Variants in PLCB4 observed in about 807,000 individuals in gnomAD.
The protein encoded by PLCB4 is phospholipase C beta 4, also known as 1-phosphatidylinositol 4,5-bisphosphate phosphodiesterase beta-4.
Under a neutral mutation model 178.8 loss-of-function variants are expected in PLCB4, and 77 were observed. That is an observed-to-expected ratio of 0.43 (90% CI 0.36 to 0.52). The LOEUF (loss-of-function observed/expected upper bound fraction) is 0.52, where lower values mean the gene tolerates loss of function less well. Among genes scored for constraint, PLCB4 ranks in the 20% least tolerant of loss-of-function variants. The pLI, the probability that PLCB4 is intolerant of heterozygous loss-of-function variation, is 0.00. For missense variants in PLCB4, 1,024 were observed against 1,453.4 expected (o/e 0.70, Z 4.80); for synonymous variants, 496 against 490.8 (o/e 1.01, Z -0.14).
intron 7 of PLCB4, among the ~76,000 whole-genome samples, chr20:9,351,363 T>A (rs6086851): frequency 0.05 from 7,597 of 152,210 alleles, 264 homozygotes; most frequent in Non-Finnish European, 0.076. Context: ...ACTTTTTTTT[T>A]AATTTTTTGA....
chr20:9,443,246 A>C (rs188827946), intron 30 of PLCB4, among the ~76,000 whole-genome samples: 165 of 152,354 alleles, frequency 1.1e-3, no homozygotes, highest in African/African-American at 3.8e-3. Context: ...GAATTTGGTA[A>C]AAGGGAGAAG....
At chr20:9,144,660 G>T (rs1314603973) in intron 2 of PLCB4, among the ~76,000 whole-genome samples, 1 of 136,822 alleles carries the variant, frequency 7.3e-6, no homozygotes, top group Non-Finnish European at 1.6e-5. Context: ...GAAGAAGAAA[G>T]AAGGAGGAGG....
intron 4 of PLCB4, among the ~76,000 whole-genome samples, chr20:9,330,245 A>G (rs1601883387): frequency 1.3e-5 from 2 of 152,130 alleles, no homozygotes; most frequent in East Asian, 1.9e-4. Flanking sequence ...TCCCTGGTTT[A>G]TGAGGTCTCT....
At chr20:9,073,989 C>T (rs567278885) in intron 1 of PLCB4, among the ~76,000 whole-genome samples, 1 of 152,110 alleles carries the variant, frequency 6.6e-6, no homozygotes, top group South Asian at 2.1e-4. Flanking sequence ...ACCATGTGCT[C>T]GAGAAATGCT....
At chr20:9,257,527 A>G (rs1601470795) in intron 3 of PLCB4, among the ~76,000 whole-genome samples, 1 of 152,218 alleles carries the variant, frequency 6.6e-6, no homozygotes, top group Admixed American at 6.5e-5. Context: ...TGAAAACTGC[A>G]GTAAGAAAGC....
chr20:9,130,934 C>T lies in PLCB4; in HGVS notation c.-79+34592C>T, dbSNP rs541806585. ...GTCCATTCTTCTTTGTGAAAGGAAT[C>T]GGAGAGTTTCCTGGGAAAACAGCTC... On this transcript the variant is annotated intron_variant, in intron 2 of 39. Transcript: ENST00000378473. 2.4e-4 allele frequency among the ~76,000 whole-genome samples: 36 copies of T among 152,268 alleles called. No individual in the cohort carries two copies. The South Asian group carries it at 3.7e-3, about 16-fold the overall frequency.
chr20:9,114,107 G>A (rs762755997), intron 2 of PLCB4, among the ~76,000 whole-genome samples: 4 of 152,034 alleles, frequency 2.6e-5, no homozygotes, highest in Non-Finnish European at 5.9e-5. Flanking sequence ...CCAGCTACTC[G>A]GGAGGCTGAT....
chr20:9,204,957 A>G (rs763580725), intron 2 of PLCB4, among the ~76,000 whole-genome samples: 2 of 152,164 alleles, frequency 1.3e-5, no homozygotes, highest in Non-Finnish European at 2.9e-5. Context: ...GATTACATGT[A>G]CATTGATTAT....
At chr20:9,290,732 T>C (rs1455856763) in intron 3 of PLCB4, among the ~76,000 whole-genome samples, 1 of 152,168 alleles carries the variant, frequency 6.6e-6, no homozygotes, top group African/African-American at 2.4e-5. Flanking sequence ...CATCTGAATG[T>C]GGCTTTCATT....
At chr20:9,150,589 C>T (rs2092675186) in intron 2 of PLCB4, among the ~76,000 whole-genome samples, 1 of 152,084 alleles carries the variant, frequency 6.6e-6, no homozygotes, top group African/African-American at 2.4e-5. Context: ...AGCCATGGTG[C>T]TAAACATGCA....
intron 2 of PLCB4, among the ~76,000 whole-genome samples, chr20:9,102,975 A>G (rs1325585297): frequency 6.6e-6 from 1 of 151,518 alleles, no homozygotes; most frequent in African/African-American, 2.4e-5. Context: ...GGAACCACAT[A>G]TACTCACTCC....
intron 14 of PLCB4, among the ~76,000 whole-genome samples, chr20:9,384,930 GT>G (rs1389019697): frequency 4.6e-5 from 7 of 152,082 alleles, no homozygotes; most frequent in Non-Finnish European, 1.0e-4. Context: ...AAGGTCTCTG[GT>G]TTTCCTAGGC....
At chr20:9,414,879 C>A (rs1289411388) in intron 25 of PLCB4, among the ~76,000 whole-genome samples, 1 of 152,184 alleles carries the variant, frequency 6.6e-6, no homozygotes, top group Non-Finnish European at 1.5e-5. Context: ...AATGGTATGA[C>A]ATTTTATGAT....
intron 2 of PLCB4, among the ~76,000 whole-genome samples, chr20:9,165,083 C>T (rs2092947506): frequency 6.6e-6 from 1 of 152,140 alleles, no homozygotes; most frequent in East Asian, 1.9e-4. Context: ...GCTGAATGTT[C>T]ATCTCTGAGG....
intron 2 of PLCB4, among the ~76,000 whole-genome samples, chr20:9,207,102 C>T (rs1275162998): frequency 2.0e-5 from 3 of 152,100 alleles, no homozygotes; most frequent in South Asian, 2.1e-4. Flanking sequence ...GGAGACAAAG[C>T]GAGACTCTGT....
intron 3 of PLCB4, among the ~76,000 whole-genome samples, chr20:9,248,227 G>T (rs2094144976): frequency 1.3e-5 from 2 of 152,056 alleles, no homozygotes; most frequent in African/African-American, 4.8e-5. Flanking sequence ...GTGTATGTGT[G>T]TTTATCCATG....
At chr20:9,398,860 A>C (rs1461506549) in intron 19 of PLCB4, among the ~76,000 whole-genome samples, 1 of 152,192 alleles carries the variant, frequency 6.6e-6, no homozygotes, top group Non-Finnish European at 1.5e-5. Context: ...CATATTTTGC[A>C]CATGATCCCA....
At chr20:9,332,676 C>A (rs1180706443) in intron 4 of PLCB4, among the ~76,000 whole-genome samples, 2 of 152,108 alleles carry the variant, frequency 1.3e-5, no homozygotes, top group Non-Finnish European at 2.9e-5. Flanking sequence ...TGGATGGGCA[C>A]CTGGTAAATA....
chr20:9,114,912 T>C (rs1189442993), intron 2 of PLCB4, among the ~76,000 whole-genome samples: 2 of 152,084 alleles, frequency 1.3e-5, no homozygotes, highest in Non-Finnish European at 2.9e-5. Context: ...TTACCTGGAG[T>C]AGGTGATCTG....
Sources: allele counts gnomAD v4.1 joint callset (sites outside exome capture counted in the v4.1 genomes callset), GRCh38; gene constraint gnomAD v4.1.1; transcripts MANE v1.5; gene names NCBI Gene and HGNC (gene_info 2026-07-23, HGNC 2026-07-21).